Variants in NME7 observed in about 807,000 individuals in gnomAD.
NME7 encodes NME/NM23 family member 7, also known as nucleoside diphosphate kinase 7.
Under a neutral mutation model 49.1 loss-of-function variants are expected in NME7, and 41 were observed. The ratio of observed to expected loss-of-function variants is 0.83; its 90% CI spans 0.65 to 1.08. The LOEUF is 1.08. NME7 is among the 50% of genes least tolerant of loss of function. The pLI is 0.00. For missense variants in NME7, 423 were observed against 463.4 expected, an observed-to-expected ratio of 0.91 and a Z score of 0.80; for synonymous variants, 139 against 150.6, an observed-to-expected ratio of 0.92 and a Z score of 0.56.
chr1:169,315,315 AGTGCAGTG>A (rs995137758), intron 3 of NME7, among the ~76,000 whole-genome samples: 12 of 146,374 alleles, frequency 8.2e-5, no homozygotes, highest in African/African-American at 3.0e-4. Context: ...CCCAGGCTGG[AGTGCAGTG>A]GTGCCATCTC....
At chr1:169,309,303 A>C (rs528715973) in intron 4 of NME7, among the ~76,000 whole-genome samples, 1 of 152,308 alleles carries the variant, frequency 6.6e-6, no homozygotes, top group East Asian at 1.9e-4. Context: ...AAGAAACAGG[A>C]CTTCTGCAAT....
chr1:169,144,739 GAGA>G (rs1658700769), intron 11 of NME7, among the ~76,000 whole-genome samples: 1 of 152,142 alleles, frequency 6.6e-6, no homozygotes, highest in Non-Finnish European at 1.5e-5. Flanking sequence ...TTATCAATGT[GAGA>G]AGAAGCCAGG....
chr1:169,169,694 C>A, intron 10 of NME7, 140 bp from the exon 11 acceptor site: 2 of 652,024 alleles, frequency 3.1e-6, no homozygotes, highest in East Asian at 2.8e-5. Context: ...TTCTGTGGCC[C>A]AATGTAAAGT....
At chr1:169,261,987 G>C (rs1649179414) in intron 7 of NME7, among the ~76,000 whole-genome samples, 1 of 133,872 alleles carries the variant, frequency 7.5e-6, no homozygotes, top group Admixed American at 7.4e-5. Context: ...TACCACTTGA[G>C]GTAGAATGAT....
At chr1:169,335,300 A>G (rs1297253566) in intron 1 of NME7, among the ~76,000 whole-genome samples, 1 of 152,174 alleles carries the variant, frequency 6.6e-6, no homozygotes, top group Non-Finnish European at 1.5e-5. Context: ...AAAGACATGG[A>G]ACCAACCCAA....
rs1004240792 is a variant in NME7, at chr1:169,195,314, G to C, written c.991-25760C>G. Among the ~76,000 whole-genome samples, 3 of 152,072 alleles carry C rather than the reference G, an allele frequency of 2.0e-5. No individual in the cohort carries two copies. The East Asian group carries it at 5.8e-4, about 29-fold the overall frequency. On this transcript the variant is annotated intron_variant, in intron 10 of 11. Coordinates refer to ENST00000367811, the MANE Select transcript of NME7 (RefSeq NM_013330.5). ...GCAGCCTCAAACTCCTGAGCTCAAGGGATCCTCCCACCTCAGCTTCCTGAG... is the reference window on the plus strand; with the variant it reads ...GCAGCCTCAAACTCCTGAGCTCAAGCGATCCTCCCACCTCAGCTTCCTGAG...
chr1:169,211,961 ACT>A (rs1172434539), intron 10 of NME7, among the ~76,000 whole-genome samples: 1 of 152,020 alleles, frequency 6.6e-6, no homozygotes, highest in African/African-American at 2.4e-5. Flanking sequence ...GCTGTTTGTT[ACT>A]CTCTTACTAG....
chr1:169,189,159 A>T (rs1439658421), intron 10 of NME7, among the ~76,000 whole-genome samples: 1 of 152,170 alleles, frequency 6.6e-6, no homozygotes, highest in African/African-American at 2.4e-5. Context: ...CATTTTTACT[A>T]AAAAAGGAAG....
rs138141740 is a variant in NME7 at position 169,287,396 on chromosome 1, A to C, written c.661T>G (p.Phe221Val). The change falls in exon 7 of 12, where the codon TTT (phenylalanine) becomes GTT (valine). Residue 221 changes from phenylalanine to valine, a missense_variant. Phe to Val is a conservative substitution (Grantham distance 50). Transcript: ENST00000367811. Reference protein sequence around the residue: ...FASAAREMELFFPSSGGCGPA... With the variant: ...FASAAREMELVFPSSGGCGPA... ...CCACAACCTCCACTTGAAGGAAAAA[A>C]CAACTCCATTTCCTAAAGACAGAGA... 1 of 1,592,268 alleles carries C rather than the reference A, an allele frequency of 6.3e-7. No homozygotes were observed. Among genetic ancestry groups the C allele is most frequent in the Non-Finnish European group, 8.5e-7 (1 of 1,171,416 alleles).
At chr1:169,337,900 C>G (rs1437032655) in intron 1 of NME7, among the ~76,000 whole-genome samples, 2 of 152,134 alleles carry the variant, frequency 1.3e-5, no homozygotes, top group Non-Finnish European at 1.5e-5. Context: ...AAATATTAAC[C>G]TTACTTTAGT....
intron 6 of NME7, among the ~76,000 whole-genome samples, chr1:169,290,133 T>C (rs531704686): frequency 6.6e-6 from 1 of 152,216 alleles, no homozygotes; most frequent in African/African-American, 2.4e-5. Context: ...TTCATAAATT[T>C]TCACGCTGAT....
intron 7 of NME7, among the ~76,000 whole-genome samples, chr1:169,251,946 A>C (rs542816356): frequency 6.7e-6 from 1 of 149,800 alleles, no homozygotes; most frequent in Non-Finnish European, 1.5e-5. Context: ...ACATTTTCTT[A>C]ATCCAGTCTA....
intron 7 of NME7, among the ~76,000 whole-genome samples, chr1:169,246,806 T>C (rs1648336285): frequency 6.6e-6 from 1 of 152,142 alleles, no homozygotes; most frequent in Non-Finnish European, 1.5e-5. Context: ...ATCAAACTCC[T>C]GGCCTGAAGT....
At chr1:169,155,976 G>C (rs1659056217) in intron 11 of NME7, among the ~76,000 whole-genome samples, 1 of 151,832 alleles carries the variant, frequency 6.6e-6, no homozygotes, top group South Asian at 2.1e-4. Flanking sequence ...CTCTATCTCA[G>C]GTCTACTGAA....
chr1:169,143,329 C>T (rs1426776638), intron 11 of NME7, among the ~76,000 whole-genome samples: 1 of 144,914 alleles, frequency 6.9e-6, no homozygotes, highest in South Asian at 2.2e-4. Context: ...TAAAACACAC[C>T]AACCAATTCC....
At chr1:169,221,230 A>G (rs772823574) in intron 10 of NME7, among the ~76,000 whole-genome samples, 1 of 152,220 alleles carries the variant, frequency 6.6e-6, no homozygotes, top group Non-Finnish European at 1.5e-5. Context: ...TACCTGGATT[A>G]TAACTTCCAC....
intron 1 of NME7, among the ~76,000 whole-genome samples, chr1:169,343,633 A>T (rs990338032): frequency 6.6e-6 from 1 of 152,054 alleles, no homozygotes; most frequent in Non-Finnish European, 1.5e-5. Flanking sequence ...CTGGGACTAC[A>T]GGCACATGCC....
At chr1:169,165,797 C>A (rs1245811279) in intron 11 of NME7, among the ~76,000 whole-genome samples, 1 of 152,096 alleles carries the variant, frequency 6.6e-6, no homozygotes, top group East Asian at 1.9e-4. Context: ...ATAAGGGCAT[C>A]CTTGACTATC....
rs115018432 is a variant in NME7, at chr1:169,366,052, G to A, written c.3+1656C>T. Among the ~76,000 whole-genome samples the A allele has an allele frequency of 2.0e-3, 301 of 152,262 alleles. 4 individuals carry two copies. The highest frequency in any genetic ancestry group is 7.0e-3 in the African/African-American group (291 of 41,562). On this transcript the variant is annotated intron_variant, in intron 1 of 11. Coordinates refer to ENST00000367811, the MANE Select transcript of NME7 (RefSeq NM_013330.5). ...GAGTTAGGCATTAGTAGATCTGAGAGGAAAATTGAAATTTAGAAGCAAAAT... is the reference window on the plus strand; with the variant it reads ...GAGTTAGGCATTAGTAGATCTGAGAAGAAAATTGAAATTTAGAAGCAAAAT...
Sources: gnomAD v4.1 joint callset for allele counts (sites outside exome capture counted in the v4.1 genomes callset) on GRCh38, gnomAD v4.1.1 for gene constraint, MANE v1.5 for transcripts, NCBI Gene and HGNC (gene_info 2026-07-23, HGNC 2026-07-21) for gene names.